DHX35: variants seen among roughly 807,000 people sequenced by gnomAD.
DHX35 encodes the protein DEAH-box helicase 35.
A neutral mutation model predicts 99.6 loss-of-function variants in DHX35; 84 were observed. That is an observed-to-expected ratio of 0.84 (90% CI 0.71 to 1.01). The LOEUF is 1.01. Ranked by LOEUF, DHX35 falls within the 50% of genes least tolerant of loss-of-function variation. The probability of loss-of-function intolerance (pLI) is 0.00; values close to 1 mark genes in which losing one functional copy is unlikely to be tolerated. For synonymous variants in DHX35, 331 were observed against 316.2 expected (o/e 1.05, Z -0.50); for missense variants, 852 against 888.5 (o/e 0.96, Z 0.52).
rs1034498744 is a variant in DHX35, at chr20:38,992,216, T to G, written c.513-140T>G. The G allele has an allele frequency of 1.3e-5, 8 of 633,158 alleles. No homozygotes were observed. The Admixed American group carries it at 1.9e-4, about 15-fold the overall frequency. 39.2% of individuals were successfully genotyped at this position (633,158 alleles called of 1,614,324 possible). A position where few individuals can be genotyped will look rare whatever the true frequency, so the allele number is the denominator to read the frequency against. ...TATTAACCTAAGAATTGCCTCATTGTCAAAGAAGAGTGACTTAGGTTTACT... is the reference window on the plus strand; with the variant it reads ...TATTAACCTAAGAATTGCCTCATTGGCAAAGAAGAGTGACTTAGGTTTACT... On this transcript the variant is annotated intron_variant, in intron 6 of 21. Coordinates refer to ENST00000252011, the MANE Select transcript of DHX35 (RefSeq NM_021931.4).
Position 39,030,878 on chromosome 20 carries a change from C to T in DHX35, c.1955+103C>T, listed in dbSNP as rs569349249. On this transcript the variant is annotated intron_variant, in intron 20 of 21. Coordinates refer to ENST00000252011, the MANE Select transcript of DHX35 (RefSeq NM_021931.4). ...TGACATCGCCTCTAGAATTGCTGCTCTGGGCCGGGCGTGGTGGCTCACGCC... is the reference window on the plus strand; with the variant it reads ...TGACATCGCCTCTAGAATTGCTGCTTTGGGCCGGGCGTGGTGGCTCACGCC... 3.0e-6 allele frequency: 4 copies of T among 1,325,364 alleles called. No individual in the cohort carries two copies. The African/African-American group carries it at 5.8e-5, about 19-fold the overall frequency. The allele number at this position is 1,325,364 out of a possible 1,614,324, so 82.1% of individuals were successfully genotyped here. A position where few individuals can be genotyped will look rare whatever the true frequency, so the allele number is the denominator to read the frequency against.
chr20:39,002,586 A>G (rs2086538893), intron 9 of DHX35, among the ~76,000 whole-genome samples, 186 bp from the exon 10 acceptor site: 1 of 152,246 alleles, frequency 6.6e-6, no homozygotes, highest in African/African-American at 2.4e-5. Context: ...TTGACATATA[A>G]TTATGGATTA....
At chr20:39,033,633 A>G (rs1277412718) in intron 20 of DHX35, among the ~76,000 whole-genome samples, 1 of 152,188 alleles carries the variant, frequency 6.6e-6, no homozygotes. Context: ...ATGCACACCT[A>G]AAATCAGGGG....
intron 3 of DHX35, chr20:38,977,733 G>A: frequency 2.5e-6 from 1 of 404,798 alleles, no homozygotes; most frequent in Non-Finnish European, 4.7e-6. Context: ...TTTTGCTTTA[G>A]TGTTTTCTAC....
chr20:39,021,876 G>A lies in DHX35; in HGVS notation c.1534G>A (p.Ala512Thr), dbSNP rs74949991. ...CTGTTCTCAGGAAATTCTAAGCATC[G>A]CTGCCATGATGCAGATCCAGAATAT... The part of the protein sequence containing the change: ...FGCSQEILSI[A>T]AMMQIQNIFV... Residue 512 changes from alanine to threonine, a missense_variant, in exon 16 of 22, where the codon GCT becomes ACT. Transcript: ENST00000252011. 6.6e-4 allele frequency: 1,068 copies of A among 1,614,100 alleles called. 11 individuals carry two copies. The East Asian group carries it at 0.02, about 30-fold the overall frequency.
At chr20:38,979,913 A>C (rs2086146322) in intron 3 of DHX35, among the ~76,000 whole-genome samples, 1 of 150,162 alleles carries the variant, frequency 6.7e-6, no homozygotes, top group African/African-American at 2.4e-5. Context: ...TACAATTTTT[A>C]TTAGTACTGT....
chr20:38,982,999 C>T (rs1291618459), intron 3 of DHX35, among the ~76,000 whole-genome samples: 2 of 150,256 alleles, frequency 1.3e-5, no homozygotes, highest in Non-Finnish European at 2.9e-5. Flanking sequence ...GATCTTGGCT[C>T]ACTGCAACCT....
chr20:38,980,548 T>C (rs1207952084), intron 3 of DHX35, among the ~76,000 whole-genome samples: 1 of 150,298 alleles, frequency 6.7e-6, no homozygotes, highest in African/African-American at 2.4e-5. Flanking sequence ...ATTGGGGTGG[T>C]TGGTAGTATT....
chr20:39,027,777 C>T (rs1039472241), intron 18 of DHX35, among the ~76,000 whole-genome samples: 15 of 152,170 alleles, frequency 9.9e-5, no homozygotes, highest in Admixed American at 1.3e-4. Context: ...AGAAAAAGAG[C>T]GAGTCTTAAA....
chr20:39,038,735 G>C lies in DHX35; in HGVS notation c.*192G>C. ...TTTGCATCCTTGCTGGGATCCTGGAGGACTTTGTGCATGGGCAGGCATCCT... is the reference window on the plus strand; with the variant it reads ...TTTGCATCCTTGCTGGGATCCTGGACGACTTTGTGCATGGGCAGGCATCCT... On this transcript the variant is annotated 3_prime_UTR_variant, in exon 22 of 22. Transcript: ENST00000252011. The C allele has an allele frequency of 1.6e-6, 1 of 622,318 alleles. No individual in the cohort carries two copies. The highest frequency in any genetic ancestry group is 2.8e-6 in the Non-Finnish European group (1 of 357,308). The allele number at this position is 622,318 out of a possible 1,614,324, so 38.5% of individuals were successfully genotyped here.
intron 16 of DHX35, among the ~76,000 whole-genome samples, chr20:39,022,239 C>A (rs2086884696): frequency 6.6e-6 from 1 of 152,164 alleles, no homozygotes; most frequent in Non-Finnish European, 1.5e-5. Context: ...CAGCCCACTG[C>A]AACTGCACTC....
In DHX35 at chr20:39,030,783, C is replaced by T. The variant is rs1191854350; in HGVS notation, c.1955+8C>T. On this transcript the variant is annotated splice_region_variant and intron_variant, in intron 20 of 21. Transcript: ENST00000252011. Reference sequence around the variant, plus strand: ...AGAGAAGCCGCCTCGCTGGTAAGCTCATCCTGCTGCTTAGCCTGTGCCTGC... The same window carrying T: ...AGAGAAGCCGCCTCGCTGGTAAGCTTATCCTGCTGCTTAGCCTGTGCCTGC... 2 of 1,613,940 alleles carry T rather than the reference C, an allele frequency of 1.2e-6. No individual in the cohort carries two copies. Among genetic ancestry groups the T allele is most frequent in the Non-Finnish European group, 1.7e-6 (2 of 1,179,834 alleles).
intron 11 of DHX35, among the ~76,000 whole-genome samples, chr20:39,004,116 G>T (rs567582898): frequency 6.6e-6 from 1 of 152,124 alleles, no homozygotes; most frequent in East Asian, 1.9e-4. Flanking sequence ...AGGCTGGAGT[G>T]CAGTGGCGCG....
intron 9 of DHX35, among the ~76,000 whole-genome samples, chr20:39,002,544 T>C (rs1385779754): frequency 1.3e-5 from 2 of 152,266 alleles, no homozygotes; most frequent in East Asian, 3.8e-4. Context: ...TATATCATGT[T>C]ATTTCTTTCC....
Position 38,998,218 on chromosome 20 carries a change from G to A in DHX35, c.642+3338G>A, listed in dbSNP as rs186837520. Among the ~76,000 whole-genome samples, 10 of 152,292 alleles carry A rather than the reference G, an allele frequency of 6.6e-5. No individual in the cohort carries two copies. In the East Asian group the frequency reaches 1.7e-3, roughly 26 times the overall value. The stretch of plus-strand genomic sequence containing the variant: ...ATGATATTGCTTTTCTTTTATTTGC[G>A]TCCAACTGCATGGCAGAATATATGG... On this transcript the variant is annotated intron_variant, in intron 8 of 21. Coordinates refer to ENST00000252011, the MANE Select transcript of DHX35 (RefSeq NM_021931.4).
intron 2 of DHX35, among the ~76,000 whole-genome samples, chr20:38,970,725 T>C (rs966083969): frequency 6.6e-6 from 1 of 152,142 alleles, no homozygotes; most frequent in Non-Finnish European, 1.5e-5. Flanking sequence ...ACCTGACATG[T>C]AGTAAATGCT....
chr20:38,969,767 C>G (rs765366729), intron 2 of DHX35, among the ~76,000 whole-genome samples: 5 of 152,210 alleles, frequency 3.3e-5, no homozygotes, highest in Non-Finnish European at 5.9e-5. Flanking sequence ...TACAAGAGAC[C>G]AAAGTGCAAA....
intron 14 of DHX35, 66 bp from the exon 15 acceptor site, chr20:39,018,738 A>C: frequency 6.8e-7 from 1 of 1,463,658 alleles, no homozygotes; most frequent in Non-Finnish European, 9.5e-7. Flanking sequence ...TTATTCTCTC[A>C]GCAACTGTGT....
intron 15 of DHX35, among the ~76,000 whole-genome samples, chr20:39,019,919 A>G (rs2086846646): frequency 6.6e-6 from 1 of 151,760 alleles, no homozygotes; most frequent in African/African-American, 2.4e-5. Context: ...TCTGGTAACC[A>G]CCTTTCTACT....
Sources: gnomAD v4.1 joint callset for allele counts (sites outside exome capture counted in the v4.1 genomes callset) on GRCh38, gnomAD v4.1.1 for gene constraint, MANE v1.5 for transcripts, NCBI Gene and HGNC (gene_info 2026-07-23, HGNC 2026-07-21) for gene names.